The following KLHL13 variants were observed in gnomAD, a reference collection of about 807,000 sequenced individuals.
KLHL13 encodes the protein kelch-like protein 13.
A neutral mutation model predicts 37.1 loss-of-function variants in KLHL13; 10 were observed. The ratio of observed to expected loss-of-function variants is 0.27; its 90% CI spans 0.17 to 0.46. The LOEUF is 0.46. Ranked by LOEUF, KLHL13 falls within the 20% of genes least tolerant of loss-of-function variation. The pLI, the probability that KLHL13 is intolerant of heterozygous loss-of-function variation, is 1.00. For missense variants in KLHL13, 360 were observed against 509.3 expected, an observed-to-expected ratio of 0.71 and a Z score of 2.82; for synonymous variants, 163 against 181.2, an observed-to-expected ratio of 0.90 and a Z score of 0.81.
intron 5 of KLHL13, among the ~76,000 whole-genome samples, chrX:117,906,397 T>A (rs1326879149): frequency 9.0e-6 from 1 of 111,682 alleles, no homozygotes; most frequent in Non-Finnish European, 1.9e-5. Context: ...TCATTAATAT[T>A]ATTCTTTGGG....
At chrX:118,031,443 A>T (rs1019925289) in intron 1 of KLHL13, among the ~76,000 whole-genome samples, 1 of 89,762 alleles carries the variant, frequency 1.1e-5, no homozygotes, top group Admixed American at 1.3e-4. Flanking sequence ...ATATATATTT[A>T]GATATATATA....
intron 4 of KLHL13, among the ~76,000 whole-genome samples, chrX:117,916,842 C>G (rs1291351572): frequency 8.9e-6 from 1 of 111,736 alleles, no homozygotes; most frequent in Non-Finnish European, 1.9e-5. Context: ...AGCCTATTTC[C>G]TCTAAAACAT....
chrX:117,945,592 A>G lies in KLHL13; in HGVS notation c.99-17T>C, dbSNP rs375153953. 1 of 1,172,123 alleles carries G rather than the reference A, an allele frequency of 8.5e-7. No homozygotes were observed. The highest frequency in any genetic ancestry group is 1.8e-5 in the African/African-American group (1 of 56,807). On this transcript the variant is annotated splice_polypyrimidine_tract_variant and intron_variant, in intron 1 of 6. Coordinates refer to ENST00000262820, the Ensembl canonical transcript of KLHL13. ...ACGAGAGATCTGAAAGTTTTTTTAC[A>G]TAAGAAAGAAGGGGAAATTAAAACT...
At chrX:117,962,750 A>G (rs1437699218) in intron 1 of KLHL13, among the ~76,000 whole-genome samples, 1 of 112,081 alleles carries the variant, frequency 8.9e-6, no homozygotes, top group East Asian at 2.8e-4. Context: ...AAGTAGCAAA[A>G]GTCTATAAAA....
chrX:117,979,677 T>C (rs889008948), intron 1 of KLHL13, among the ~76,000 whole-genome samples: 3 of 111,678 alleles, frequency 2.7e-5, no homozygotes, highest in African/African-American at 9.7e-5. Context: ...TCAAGAGGGA[T>C]ATTTATCTGT....
chrX:117,972,302 CTG>C (rs1322043759), intron 1 of KLHL13, among the ~76,000 whole-genome samples: 1 of 111,820 alleles, frequency 8.9e-6, no homozygotes, highest in Non-Finnish European at 1.9e-5. Context: ...AATGTTAACT[CTG>C]TTTTTAATTC....
At chrX:117,955,269 A>G (rs759915938) in intron 1 of KLHL13, among the ~76,000 whole-genome samples, 1 of 111,994 alleles carries the variant, frequency 8.9e-6, no homozygotes, top group Non-Finnish European at 1.9e-5. Context: ...TCCCAGTTCT[A>G]TTCAACTTCA....
At chrX:117,980,811 T>C (rs1040324436) in intron 1 of KLHL13, among the ~76,000 whole-genome samples, 1 of 111,582 alleles carries the variant, frequency 9.0e-6, no homozygotes, top group Non-Finnish European at 1.9e-5. Flanking sequence ...AAATAATGAA[T>C]GAGAAAATCT....
intron 1 of KLHL13, among the ~76,000 whole-genome samples, chrX:118,056,280 A>C (rs1047819323): frequency 3.6e-5 from 4 of 112,407 alleles, no homozygotes; most frequent in Non-Finnish European, 5.6e-5. Flanking sequence ...TATTCTGGCA[A>C]CTATAAAACA....
chrX:117,934,053 T>C (rs1287809206), intron 2 of KLHL13, among the ~76,000 whole-genome samples: 2 of 111,104 alleles, frequency 1.8e-5, no homozygotes, highest in Non-Finnish European at 3.8e-5. Context: ...AAAATATCTA[T>C]ATGTTCTCAC....
intron 1 of KLHL13, among the ~76,000 whole-genome samples, chrX:117,984,707 A>G (rs2147933969): frequency 9.0e-6 from 1 of 111,689 alleles, no homozygotes; most frequent in Admixed American, 9.6e-5. Flanking sequence ...AATGATAAAA[A>G]GCTATAATAG....
intron 1 of KLHL13, among the ~76,000 whole-genome samples, chrX:118,019,452 C>T (rs1420752456): frequency 9.1e-6 from 1 of 110,179 alleles, no homozygotes; most frequent in Non-Finnish European, 1.9e-5. Context: ...TGCCTGTTCA[C>T]TCTGGTGGTA....
Position 118,033,765 on chromosome X carries a change from T to A in KLHL13, c.-56+82743A>T, listed in dbSNP as rs1349846961. 5.2e-4 allele frequency among the ~76,000 whole-genome samples: 57 copies of A among 110,374 alleles called. 1 individual carries two copies. Among genetic ancestry groups the A allele is most frequent in the African/African-American group, 1.8e-3 (56 of 30,285 alleles). On this transcript the variant is annotated intron_variant, in intron 1 of 6. Coordinates refer to the KLHL13 transcript ENST00000371882. ...ATATTAACCTTAAAGGTAAATGGGCTAAATGCTCCAATTAAAAGACACAGA... is the reference window on the plus strand; with the variant it reads ...ATATTAACCTTAAAGGTAAATGGGCAAAATGCTCCAATTAAAAGACACAGA...
chrX:118,096,305 A>C (rs1301439924), intron 1 of KLHL13, among the ~76,000 whole-genome samples: 3 of 112,077 alleles, frequency 2.7e-5, no homozygotes, highest in Non-Finnish European at 5.6e-5. Context: ...AAACACCTCT[A>C]CACAAATAAA....
intron 1 of KLHL13, among the ~76,000 whole-genome samples, chrX:118,015,509 T>A (rs963756406): frequency 9.0e-5 from 10 of 110,756 alleles, no homozygotes; most frequent in Non-Finnish European, 1.9e-4. Context: ...ACTGAAATAA[T>A]TGCGGTAGAT....
chrX:117,981,034 G>A (rs1188864817), intron 1 of KLHL13, among the ~76,000 whole-genome samples: 2 of 111,809 alleles, frequency 1.8e-5, no homozygotes, highest in Non-Finnish European at 3.8e-5. Context: ...TCTCTTTAGC[G>A]ATTTTAAATT....
At chrX:117,910,588 G>A (rs1162848872) in intron 4 of KLHL13, among the ~76,000 whole-genome samples, 2 of 111,424 alleles carry the variant, frequency 1.8e-5, no homozygotes, top group Admixed American at 9.5e-5. Flanking sequence ...TCCCTTTCAC[G>A]TAAATAGGCA....
chrX:118,030,625 C>T (rs147702421), intron 1 of KLHL13, among the ~76,000 whole-genome samples: 6 of 112,102 alleles, frequency 5.4e-5, no homozygotes, highest in African/African-American at 1.9e-4. Context: ...GGTGTTTAGC[C>T]ATGGGGGCAC....
Position 118,010,010 on chromosome X carries a change from C to T in KLHL13, c.-55-64435G>A, listed in dbSNP as rs776279306. On this transcript the variant is annotated intron_variant, in intron 1 of 6. Transcript: ENST00000371882. The stretch of plus-strand genomic sequence containing the variant: ...AAAAATGCTCATCATCACTGGCCAT[C>T]AGAGAAATGCAAATCAAAACCACTA... Among the ~76,000 whole-genome samples, 10 of 110,421 alleles carry T rather than the reference C, an allele frequency of 9.1e-5. No homozygotes were observed. The Admixed American group carries it at 9.7e-4, about 11-fold the overall frequency.
Sources: gnomAD v4.1 joint callset for allele counts (sites outside exome capture counted in the v4.1 genomes callset) on GRCh38, gnomAD v4.1.1 for gene constraint, MANE v1.5 for transcripts, NCBI Gene and HGNC (gene_info 2026-07-23, HGNC 2026-07-21) for gene names.